Variants in ARHGEF3 observed in about 807,000 individuals in gnomAD.
ARHGEF3 encodes Rho guanine nucleotide exchange factor 3, also known as 59.8 kDA protein.
In ARHGEF3, 28 loss-of-function variants were observed where a neutral mutation model predicts 63.2. That is an observed-to-expected ratio of 0.44 (90% CI 0.33 to 0.61). The LOEUF is 0.61. Ranked by LOEUF, ARHGEF3 falls within the 20% of genes least tolerant of loss-of-function variation. The pLI, the probability that ARHGEF3 is intolerant of heterozygous loss-of-function variation, is 0.03. For missense variants in ARHGEF3, 533 were observed against 659.3 expected (o/e 0.81, Z 2.10); for synonymous variants, 266 against 254.2 (o/e 1.05, Z -0.44).
At chr3:56,972,885 C>T (rs1185534632) in intron 2 of ARHGEF3, among the ~76,000 whole-genome samples, 1 of 151,950 alleles carries the variant, frequency 6.6e-6, no homozygotes, top group Non-Finnish European at 1.5e-5. Flanking sequence ...GAGACAGAAG[C>T]TCCAGGTGGC....
chr3:56,969,698 G>C (rs1409122635), intron 2 of ARHGEF3, among the ~76,000 whole-genome samples: 1 of 147,936 alleles, frequency 6.8e-6, no homozygotes, highest in African/African-American at 2.5e-5. Context: ...TTGAACCAGG[G>C]ACCGAGATCG....
chr3:57,059,138 T>C (rs1169174386), intron 1 of ARHGEF3, among the ~76,000 whole-genome samples: 1 of 152,094 alleles, frequency 6.6e-6, no homozygotes, highest in African/African-American at 2.4e-5. Context: ...ACTTAAAGTA[T>C]AATAATAATA....
chr3:57,039,689 C>T (rs574423327), intron 1 of ARHGEF3, among the ~76,000 whole-genome samples: 5 of 152,336 alleles, frequency 3.3e-5, no homozygotes, highest in African/African-American at 9.6e-5. Flanking sequence ...TTGCATTCCT[C>T]GGCTTGTGGC....
chr3:56,796,435 T>G (rs1464221768), intron 1 of ARHGEF3, among the ~76,000 whole-genome samples: 2 of 152,188 alleles, frequency 1.3e-5, no homozygotes, highest in East Asian at 3.9e-4. Flanking sequence ...TCCACACAGC[T>G]AAGCATGCAG....
intron 4 of ARHGEF3, among the ~76,000 whole-genome samples, chr3:56,753,239 GA>G (rs777312384): frequency 2.6e-5 from 4 of 152,194 alleles, no homozygotes; most frequent in Non-Finnish European, 4.4e-5. Flanking sequence ...TACATAAGGC[GA>G]GGCCTCCATG....
intron 2 of ARHGEF3, among the ~76,000 whole-genome samples, chr3:57,014,716 T>C (rs896714470): frequency 6.6e-6 from 1 of 151,506 alleles, no homozygotes; most frequent in African/African-American, 2.4e-5. Context: ...AGTCTCGCTG[T>C]GTCACCCAGG....
intron 3 of ARHGEF3, among the ~76,000 whole-genome samples, chr3:56,889,213 C>T (rs1486304046): frequency 2.6e-5 from 4 of 152,094 alleles, no homozygotes; most frequent in Admixed American, 1.3e-4. Context: ...TGAATCTCAT[C>T]GGTAAATAAC....
chr3:56,907,859 C>T (rs60842550), intron 3 of ARHGEF3, among the ~76,000 whole-genome samples: 31,345 of 151,944 alleles, frequency 0.21, 4,140 homozygotes, highest in East Asian at 0.49. Flanking sequence ...CACACTGGGG[C>T]CTATCAGAGG....
intron 4 of ARHGEF3, among the ~76,000 whole-genome samples, chr3:56,880,727 C>T (rs2040738068): frequency 1.3e-5 from 2 of 152,102 alleles, no homozygotes; most frequent in South Asian, 4.1e-4. Flanking sequence ...AGTAAACTTC[C>T]ATAAAATTAA....
At chr3:57,003,786 G>T (rs963718294) in intron 2 of ARHGEF3, among the ~76,000 whole-genome samples, 5 of 152,162 alleles carry the variant, frequency 3.3e-5, no homozygotes, top group African/African-American at 1.2e-4. Flanking sequence ...AGTCATGCCA[G>T]GAAGGGGCCA....
chr3:57,066,054 C>G (rs1253995352), intron 1 of ARHGEF3, among the ~76,000 whole-genome samples: 3 of 92,752 alleles, frequency 3.2e-5, no homozygotes, highest in Non-Finnish European at 4.5e-5. Flanking sequence ...AAAAAAAAAC[C>G]CTAAAATGTA....
rs182633620 is a variant in ARHGEF3, at chr3:56,886,607, G to A, written c.130-4253C>T. ...GAAAGCAGAGAGTGCAACAGGACAC[G>A]GCACTCACTTTGAACTTCACTGGAG... is the stretch of plus-strand genomic sequence containing the variant. On this transcript the variant is annotated intron_variant, in intron 3 of 12. Coordinates refer to the ARHGEF3 transcript ENST00000338458. 3.1e-3 allele frequency among the ~76,000 whole-genome samples: 470 copies of A among 152,248 alleles called. 2 individuals carry two copies. Among genetic ancestry groups the A allele is most frequent in the African/African-American group, 0.011 (445 of 41,540 alleles).
At chr3:56,986,872 A>G (rs1701563360) in intron 2 of ARHGEF3, among the ~76,000 whole-genome samples, 1 of 126,714 alleles carries the variant, frequency 7.9e-6, no homozygotes, top group African/African-American at 2.7e-5. Context: ...AATAGTAATG[A>G]TGGTCCATGG....
chr3:56,965,221 C>A lies in ARHGEF3; in HGVS notation c.63-6332G>T, dbSNP rs116801191. ...AGTCAGGGATGATAATGTCACTGCA[C>A]TCTAGTCTGGGCAACCATAAGAAGG... On this transcript the variant is annotated intron_variant, in intron 2 of 12. Transcript: ENST00000338458. Among the ~76,000 whole-genome samples the A allele has an allele frequency of 1.0e-3, 159 of 152,248 alleles. 1 individual carries two copies. Among genetic ancestry groups the A allele is most frequent in the African/African-American group, 3.6e-3 (151 of 41,538 alleles).
chr3:56,834,443 C>T (rs1490352929), intron 4 of ARHGEF3, among the ~76,000 whole-genome samples: 1 of 152,096 alleles, frequency 6.6e-6, no homozygotes, highest in Admixed American at 6.5e-5. Flanking sequence ...CCCAGTTAAA[C>T]AATCTGATAC....
intron 1 of ARHGEF3, among the ~76,000 whole-genome samples, chr3:57,055,697 G>A (rs1200951503): frequency 6.6e-6 from 1 of 152,148 alleles, no homozygotes; most frequent in Admixed American, 6.5e-5. Flanking sequence ...ACCAATCTCT[G>A]TTACCTCCAG....
At chr3:56,883,301 T>C (rs1560019346) in intron 3 of ARHGEF3, among the ~76,000 whole-genome samples, 1 of 151,706 alleles carries the variant, frequency 6.6e-6, no homozygotes, top group Non-Finnish European at 1.5e-5. Flanking sequence ...AGTATGTTTT[T>C]CTTTTTTTTT....
Position 56,969,246 on chromosome 3 carries a change from A to ATATATTCAGGACATAGCATGTAGC in ARHGEF3, c.63-10358_63-10357insGCTACATGCTATGTCCTGAATATA, listed in dbSNP as rs1553794724. On this transcript the variant is annotated intron_variant, in intron 2 of 12. Transcript: ENST00000338458. ...CAAATAATATAGGACTACCCTATTC[A>ATATATTCAGGACATAGCATGTAGC]AAACAATTCCAGAATTAACTAGAGA... 9.8e-3 allele frequency among the ~76,000 whole-genome samples: 1,463 copies of ATATATTCAGGACATAGCATGTAGC among 149,052 alleles called. 100 individuals carry two copies. The highest frequency in any genetic ancestry group is 0.019 in the East Asian group (94 of 4,844).
intron 2 of ARHGEF3, among the ~76,000 whole-genome samples, chr3:57,022,538 A>T (rs1399106936): frequency 6.6e-6 from 1 of 152,160 alleles, no homozygotes; most frequent in Admixed American, 6.5e-5. Context: ...CCAGAAAAAC[A>T]TTCCTTCTTG....
Sources: gnomAD v4.1 joint callset for allele counts (sites outside exome capture counted in the v4.1 genomes callset) on GRCh38, gnomAD v4.1.1 for gene constraint, MANE v1.5 for transcripts, NCBI Gene and HGNC (gene_info 2026-07-23, HGNC 2026-07-21) for gene names.